Variants in NDST3 observed in about 807,000 individuals in gnomAD.
NDST3 encodes the protein N-deacetylase and N-sulfotransferase 3, also known as bifunctional heparan sulfate N-deacetylase/N-sulfotransferase 3.
A neutral mutation model predicts 96.1 loss-of-function variants in NDST3; 58 were observed. That is an observed-to-expected ratio of 0.60 (90% CI 0.49 to 0.75). The LOEUF is 0.75. NDST3 is among the 30% of genes least tolerant of loss of function. The pLI is 0.00. For missense variants in NDST3, 788 were observed against 1,034.2 expected (o/e 0.76, Z 3.27); for synonymous variants, 333 against 359.7 (o/e 0.93, Z 0.84).
At chr4:118,242,220 T>C in intron 12 of NDST3, 71 bp downstream of exon 12, 2 of 1,022,288 alleles carry the variant, frequency 2.0e-6, no homozygotes, top group Non-Finnish European at 3.0e-6. Flanking sequence ...TGCAGTTTGG[T>C]CATACAACTG....
intron 6 of NDST3, among the ~76,000 whole-genome samples, chr4:118,187,569 T>C (rs182281004): frequency 6.6e-6 from 1 of 152,320 alleles, no homozygotes; most frequent in African/African-American, 2.4e-5. Context: ...AGGTTGTCCA[T>C]GTGGAAGTTT....
At chr4:118,108,508 G>T (rs1230570159) in intron 3 of NDST3, among the ~76,000 whole-genome samples, 1 of 151,396 alleles carries the variant, frequency 6.6e-6, no homozygotes, top group East Asian at 1.9e-4. Context: ...ACCTTCAAGG[G>T]TTTAATAAAC....
intron 6 of NDST3, among the ~76,000 whole-genome samples, chr4:118,203,415 T>G (rs1221023083): frequency 2.0e-5 from 3 of 152,220 alleles, no homozygotes; most frequent in Non-Finnish European, 4.4e-5. Flanking sequence ...TCTGGTAGAA[T>G]TCAGCTGTGA....
At chr4:118,112,540 C>T (rs1290363528) in intron 3 of NDST3, among the ~76,000 whole-genome samples, 1 of 152,208 alleles carries the variant, frequency 6.6e-6, no homozygotes, top group Admixed American at 6.5e-5. Context: ...ATAACTGACA[C>T]TAATACAGTG....
intron 4 of NDST3, among the ~76,000 whole-genome samples, chr4:118,115,375 T>G (rs910868605): frequency 6.6e-6 from 1 of 152,190 alleles, no homozygotes; most frequent in Non-Finnish European, 1.5e-5. Flanking sequence ...TAAGTATCAC[T>G]GGGAGTAGCC....
At chr4:118,231,919 TC>T (rs1217093390) in intron 8 of NDST3, among the ~76,000 whole-genome samples, 1 of 152,154 alleles carries the variant, frequency 6.6e-6, no homozygotes, top group African/African-American at 2.4e-5. Flanking sequence ...ATGACATTGC[TC>T]ACTTTTTGAA....
At chr4:118,104,281 G>C (rs1038174039) in intron 2 of NDST3, among the ~76,000 whole-genome samples, 1 of 152,144 alleles carries the variant, frequency 6.6e-6, no homozygotes, top group Non-Finnish European at 1.5e-5. Context: ...TACCGTGTGT[G>C]TGTATGTGTA....
chr4:118,246,434 G>A (rs1322300904), intron 12 of NDST3, among the ~76,000 whole-genome samples: 4 of 152,122 alleles, frequency 2.6e-5, no homozygotes, highest in African/African-American at 9.6e-5. Flanking sequence ...GGAGAAACTT[G>A]TCTCTACTAA....
At chr4:118,098,713 T>A (rs1352341702) in intron 2 of NDST3, among the ~76,000 whole-genome samples, 1 of 152,008 alleles carries the variant, frequency 6.6e-6, no homozygotes, top group African/African-American at 2.4e-5. Context: ...ATAGAAACAA[T>A]AAAATACATA....
chr4:118,036,294 G>T lies in NDST3; in HGVS notation c.-156+1702G>T, dbSNP rs189395485. Among the ~76,000 whole-genome samples the T allele has an allele frequency of 3.0e-3, 453 of 152,156 alleles. 3 individuals carry two copies. Among genetic ancestry groups the T allele is most frequent in the African/African-American group, 0.01 (421 of 41,520 alleles). ...TGATTAGAGCCTTAAAAGTGCATTT[G>T]TTAAGATGCAAAATATATTTTTTTA... On this transcript the variant is annotated intron_variant, in intron 1 of 13. Coordinates refer to ENST00000296499, the MANE Select transcript of NDST3 (RefSeq NM_004784.3).
intron 5 of NDST3, among the ~76,000 whole-genome samples, chr4:118,141,697 A>G (rs951490469): frequency 6.6e-6 from 1 of 152,178 alleles, no homozygotes; most frequent in Non-Finnish European, 1.5e-5. Flanking sequence ...TCATAGTCAT[A>G]CACTTTTAAA....
intron 7 of NDST3, among the ~76,000 whole-genome samples, chr4:118,225,355 A>G (rs1329929410): frequency 6.6e-6 from 1 of 152,174 alleles, no homozygotes; most frequent in East Asian, 1.9e-4. Context: ...AAAAATAATA[A>G]TCTTGGCAAA....
chr4:118,197,439 C>G (rs1737770237), intron 6 of NDST3, among the ~76,000 whole-genome samples: 1 of 150,034 alleles, frequency 6.7e-6, no homozygotes, highest in South Asian at 2.1e-4. Context: ...ATATTGGGGT[C>G]TACTTCTCTC....
At chr4:118,086,976 T>C (rs1021401104) in intron 2 of NDST3, among the ~76,000 whole-genome samples, 39 of 152,260 alleles carry the variant, frequency 2.6e-4, no homozygotes, top group African/African-American at 8.7e-4. Flanking sequence ...TTTTATGGTC[T>C]AAGAAAAATG....
intron 6 of NDST3, among the ~76,000 whole-genome samples, chr4:118,190,009 T>A (rs1737201736): frequency 6.6e-6 from 1 of 152,102 alleles, no homozygotes; most frequent in African/African-American, 2.4e-5. Context: ...AATGTTTAAA[T>A]AACTTCAAAC....
chr4:118,134,393 T>G lies in NDST3; in HGVS notation c.1225-3661T>G, dbSNP rs190122607. On this transcript the variant is annotated intron_variant, in intron 4 of 13. Transcript: ENST00000296499. ...GTCACATAATCATATTTGTATCTTT[T>G]AAATATTACTTTGCAGGGAATGTAT... 6.4e-3 allele frequency among the ~76,000 whole-genome samples: 971 copies of G among 152,334 alleles called. 7 individuals are homozygous for G. The highest frequency in any genetic ancestry group is 0.011 in the South Asian group (51 of 4,832).
At chr4:118,218,783 T>G (rs1182864098) in intron 6 of NDST3, among the ~76,000 whole-genome samples, 1 of 152,048 alleles carries the variant, frequency 6.6e-6, no homozygotes, top group Non-Finnish European at 1.5e-5. Flanking sequence ...GATTCTATAC[T>G]TAGAAAACCC....
At chr4:118,037,624 A>G (rs1365219482) in intron 1 of NDST3, among the ~76,000 whole-genome samples, 1 of 152,178 alleles carries the variant, frequency 6.6e-6, no homozygotes, top group African/African-American at 2.4e-5. Flanking sequence ...CTTCCCTTAC[A>G]TATGAAATAC....
chr4:118,142,729 G>T (rs1176708420), intron 5 of NDST3, among the ~76,000 whole-genome samples: 2 of 152,088 alleles, frequency 1.3e-5, no homozygotes, highest in East Asian at 3.8e-4. Context: ...TGAAGTCATT[G>T]TAAAATATTC....
Sources: gnomAD v4.1 joint callset for allele counts (sites outside exome capture counted in the v4.1 genomes callset) on GRCh38, gnomAD v4.1.1 for gene constraint, MANE v1.5 for transcripts, NCBI Gene and HGNC (gene_info 2026-07-23, HGNC 2026-07-21) for gene names.